XAGE3: variants seen among roughly 807,000 people sequenced by gnomAD.
The protein encoded by XAGE3 is CT12.3.
A neutral mutation model predicts 9.2 loss-of-function variants in XAGE3; 6 were observed. The observed-to-expected ratio is 0.65, with a 90% confidence interval of 0.36 to 1.29. The LOEUF is 1.29. XAGE3 is among the 50% of genes most tolerant of loss of function. The probability of loss-of-function intolerance (pLI) is 0.03; values close to 1 mark genes in which losing one functional copy is unlikely to be tolerated. For synonymous variants in XAGE3, 26 were observed against 28.2 expected, an observed-to-expected ratio of 0.92 and a Z score of 0.25; for missense variants, 70 against 82.8, an observed-to-expected ratio of 0.85 and a Z score of 0.60.
intron 3 of XAGE3, 126 bp from the exon 4 acceptor site, chrX:52,865,026 G>T (rs1927853845): frequency 9.6e-6 from 8 of 833,443 alleles, no homozygotes; most frequent in Non-Finnish European, 1.2e-5. Flanking sequence ...TAAATGTGAT[G>T]CAAAGATGTC....
At position 52,866,474 on chromosome X, in the gene XAGE3, C is replaced by T; in HGVS notation, c.146G>A (p.Gly49Asp). Reference sequence around the variant, plus strand: ...ACCCTGATCTTCTTCTCTCTCCTGACCAGGTGCAGGATCCCGACTTTCAGT... The same window carrying T: ...ACCCTGATCTTCTTCTCTCTCCTGATCAGGTGCAGGATCCCGACTTTCAGT... ...PPTESRDPAP[G>D]QEREEDQGAA... Residue 49 changes from glycine to aspartate, a missense_variant, in exon 3 of 5, where the codon GGT becomes GAT. Gly to Asp is a moderately conservative substitution (Grantham distance 94, BLOSUM62 -1). Coordinates refer to ENST00000346279, the MANE Select transcript of XAGE3 (RefSeq NM_133179.3). 2.5e-6 allele frequency: 3 copies of T among 1,211,320 alleles called. No homozygotes were observed. Among genetic ancestry groups the T allele is most frequent in the Non-Finnish European group, 3.4e-6 (3 of 895,380 alleles).
chrX:52,867,284 T>C, intron 1 of XAGE3, 143 bp from the exon 2 acceptor site: 1 of 497,408 alleles, frequency 2.0e-6, no homozygotes, highest in Non-Finnish European at 3.3e-6. Flanking sequence ...TGTAAGTATG[T>C]GTGCCTTCTG....
In XAGE3 at chrX:52,866,831, C is replaced by A. The variant is rs1927902065; in HGVS notation, c.81+222G>T. On this transcript the variant is annotated intron_variant, in intron 2 of 4. Coordinates refer to ENST00000346279, the MANE Select transcript of XAGE3 (RefSeq NM_133179.3). ...ATGAGAAGGAAATCATGGGCAAAATCTGGGGAACACAAGATCATCCATCCA... is the reference window on the plus strand; with the variant it reads ...ATGAGAAGGAAATCATGGGCAAAATATGGGGAACACAAGATCATCCATCCA... Among the ~76,000 whole-genome samples the A allele has an allele frequency of 1.8e-5, 2 of 112,020 alleles. 1 individual carries two copies. The highest frequency in any genetic ancestry group is 1.9e-4 in the Admixed American group (2 of 10,583).
intron 4 of XAGE3, among the ~76,000 whole-genome samples, chrX:52,863,775 T>A (rs1163073785): frequency 1.8e-5 from 2 of 112,032 alleles, no homozygotes; most frequent in African/African-American, 6.5e-5. Context: ...AAAAGAACAA[T>A]CTTTTAAATG....
chrX:52,862,764 T>A, intron 4 of XAGE3, 124 bp from the exon 5 acceptor site: 2 of 854,809 alleles, frequency 2.3e-6, no homozygotes, highest in South Asian at 2.7e-5. Flanking sequence ...AGCCTAAGAG[T>A]AACCTGATGG....
Position 52,866,487 on chromosome X carries a change from C to G in XAGE3, c.133G>C (p.Asp45His). The change falls in exon 3 of 5, where the codon GAT (aspartate) becomes CAT (histidine). Residue 45 changes from aspartate to histidine, a missense_variant. Coordinates refer to ENST00000346279, the MANE Select transcript of XAGE3 (RefSeq NM_133179.3). Reference sequence around the variant, plus strand: ...TCTCTCTCCTGACCAGGTGCAGGATCCCGACTTTCAGTTGGTGGTTCCTCT... The same window carrying G: ...TCTCTCTCCTGACCAGGTGCAGGATGCCGACTTTCAGTTGGTGGTTCCTCT... Reference protein sequence around the residue: ...QQEEPPTESRDPAPGQEREED... With the variant: ...QQEEPPTESRHPAPGQEREED... 1 of 1,211,434 alleles carries G rather than the reference C, an allele frequency of 8.3e-7. No individual in the cohort carries two copies. Among genetic ancestry groups the G allele is most frequent in the East Asian group, 3.0e-5 (1 of 33,836 alleles).
intron 3 of XAGE3, among the ~76,000 whole-genome samples, 154 bp downstream of exon 3, chrX:52,866,279 T>C (rs1342930053): frequency 8.9e-6 from 1 of 112,359 alleles, no homozygotes; most frequent in Non-Finnish European, 1.9e-5. Context: ...AGCTGCAAAC[T>C]ATACTCTTCA....
chrX:52,865,934 C>T (rs1927873709), intron 3 of XAGE3, among the ~76,000 whole-genome samples: 1 of 111,744 alleles, frequency 8.9e-6, no homozygotes, highest in Non-Finnish European at 1.9e-5. Flanking sequence ...ATTCCTTCTC[C>T]ATGACTCAAC....
Position 52,862,587 on chromosome X carries a change from A to C in XAGE3, c.*31T>G. 8.3e-7 allele frequency: 1 copy of C among 1,206,267 alleles called. No individual in the cohort carries two copies. The highest frequency in any genetic ancestry group is 1.1e-6 in the Non-Finnish European group (1 of 892,954). On this transcript the variant is annotated 3_prime_UTR_variant, in exon 5 of 5. Coordinates refer to ENST00000346279, the MANE Select transcript of XAGE3 (RefSeq NM_133179.3). ...TTTAAGTCAAATATCTTAGATAAAA[A>C]CAGTTTTGTGTTGTTTCAGCTTGTC... is the stretch of plus-strand genomic sequence containing the variant.
At chrX:52,863,691 T>A (rs2146546952) in intron 4 of XAGE3, among the ~76,000 whole-genome samples, 1 of 112,132 alleles carries the variant, frequency 8.9e-6, no homozygotes, top group Non-Finnish European at 1.9e-5. Context: ...AGGGTCTTGT[T>A]CATATTCCAT....
At chrX:52,867,382 T>G in intron 1 of XAGE3, 1 of 337,862 alleles carries the variant, frequency 3.0e-6, no homozygotes, top group Non-Finnish European at 5.2e-6. Context: ...CGATGAGGTT[T>G]GGTTTCACAA....
At chrX:52,864,663 C>CA in intron 4 of XAGE3, 112 bp downstream of exon 4, 2 of 1,034,573 alleles carry the variant, frequency 1.9e-6, no homozygotes, top group Non-Finnish European at 2.7e-6. Flanking sequence ...AACAACCTTT[C>CA]AAAAAAAGTC....
intron 4 of XAGE3, among the ~76,000 whole-genome samples, chrX:52,864,290 C>G (rs1419808158): frequency 8.9e-6 from 1 of 112,212 alleles, no homozygotes; most frequent in African/African-American, 3.2e-5. Flanking sequence ...TCCAACAGAA[C>G]ATGAGGATAC....
intron 3 of XAGE3, 110 bp from the exon 4 acceptor site, chrX:52,865,010 T>C: frequency 2.1e-6 from 2 of 940,506 alleles, no homozygotes; most frequent in South Asian, 2.4e-5. Context: ...CAGGCGACTG[T>C]GGTAATAAAT....
chrX:52,866,309 G>A (rs1342877343), intron 3 of XAGE3, 124 bp downstream of exon 3: 9 of 734,490 alleles, frequency 1.2e-5, no homozygotes, highest in Non-Finnish European at 1.9e-5. Flanking sequence ...CCAACTCTCA[G>A]CAAATGTTTG....
rs782227432 is a variant in XAGE3, at chrX:52,863,646, T to A, written c.314-1006A>T. On this transcript the variant is annotated intron_variant, in intron 4 of 4. Transcript: ENST00000346279. ...AAAATACTAGAGTTCAAGAATGTAT[T>A]CACTTTCGATTATACCATATATTCA... Among the ~76,000 whole-genome samples, 7 of 112,137 alleles carry A rather than the reference T, an allele frequency of 6.2e-5. No individual in the cohort carries two copies. In the East Asian group the frequency reaches 2.0e-3, roughly 31 times the overall value.
At chrX:52,862,707 G>A in intron 4 of XAGE3, 67 bp from the exon 5 acceptor site, 1 of 1,138,868 alleles carries the variant, frequency 8.8e-7, no homozygotes, top group Non-Finnish European at 1.2e-6. Context: ...ATTAAAGGTA[G>A]GCAAAGGACA....
chrX:52,862,719 C>G, intron 4 of XAGE3, 79 bp from the exon 5 acceptor site: 1 of 1,164,575 alleles, frequency 8.6e-7, no homozygotes, highest in Non-Finnish European at 1.2e-6. Flanking sequence ...CAAAGGACAC[C>G]AAAGTTTTGG....
At chrX:52,866,148 A>G (rs1174014058) in intron 3 of XAGE3, among the ~76,000 whole-genome samples, 4 of 112,046 alleles carry the variant, frequency 3.6e-5, no homozygotes, top group Non-Finnish European at 7.5e-5. Flanking sequence ...AAAGTAAACT[A>G]GTGAAATAAT....
Sources: allele counts gnomAD v4.1 joint callset (sites outside exome capture counted in the v4.1 genomes callset), GRCh38; gene constraint gnomAD v4.1.1; transcripts MANE v1.5; gene names NCBI Gene and HGNC (gene_info 2026-07-23, HGNC 2026-07-21).